The following NCALD variants were observed in gnomAD, a reference collection of about 807,000 sequenced individuals.
NCALD encodes neurocalcin-delta.
Under a neutral mutation model 18.6 loss-of-function variants are expected in NCALD, and 10 were observed. That is an observed-to-expected ratio of 0.54 (90% CI 0.33 to 0.91). The LOEUF is 0.91. Among genes scored for constraint, NCALD ranks in the 40% least tolerant of loss-of-function variants. The pLI, the probability that NCALD is intolerant of heterozygous loss-of-function variation, is 0.03. For missense variants in NCALD, 184 were observed against 247.6 expected (o/e 0.74, Z 1.72); for synonymous variants, 88 against 87.4 (o/e 1.01, Z -0.04).
chr8:101,954,479 T>C (rs907240291), intron 2 of NCALD, among the ~76,000 whole-genome samples: 3 of 152,156 alleles, frequency 2.0e-5, no homozygotes, highest in Non-Finnish European at 4.4e-5. Flanking sequence ...CCTGATTCAT[T>C]CTCTCTACCT....
intron 2 of NCALD, among the ~76,000 whole-genome samples, chr8:101,918,135 T>C (rs1450230885): frequency 6.6e-6 from 1 of 152,168 alleles, no homozygotes; most frequent in African/African-American, 2.4e-5. Flanking sequence ...TAATTCACCA[T>C]GATCAAGTAG....
intron 1 of NCALD, among the ~76,000 whole-genome samples, chr8:101,726,058 G>A (rs1475394776): frequency 6.6e-6 from 1 of 152,146 alleles, no homozygotes; most frequent in Non-Finnish European, 1.5e-5. Flanking sequence ...AGCAAGAACA[G>A]TGAATGAGAG....
chr8:101,751,196 T>C (rs139306603), intron 1 of NCALD, among the ~76,000 whole-genome samples: 2 of 152,266 alleles, frequency 1.3e-5, no homozygotes, highest in East Asian at 3.9e-4. Flanking sequence ...ACAACATGGG[T>C]GAACCTCGAA....
At chr8:101,738,780 G>A (rs1810048762) in intron 1 of NCALD, among the ~76,000 whole-genome samples, 1 of 152,124 alleles carries the variant, frequency 6.6e-6, no homozygotes. Context: ...CTGTGCATCA[G>A]TTTCCTCAAC....
At chr8:102,051,328 T>C (rs899771619) in intron 1 of NCALD, among the ~76,000 whole-genome samples, 1 of 152,082 alleles carries the variant, frequency 6.6e-6, no homozygotes, top group Non-Finnish European at 1.5e-5. Context: ...TAGAGTGCCA[T>C]AGGGAGGATC....
intron 2 of NCALD, among the ~76,000 whole-genome samples, chr8:101,964,712 T>C (rs1819958358): frequency 6.6e-6 from 1 of 152,180 alleles, no homozygotes; most frequent in Admixed American, 6.5e-5. Flanking sequence ...TAAACATCTG[T>C]CTAAATGTCT....
intron 4 of NCALD, among the ~76,000 whole-genome samples, chr8:101,796,548 C>T (rs1380473496): frequency 6.6e-6 from 1 of 151,704 alleles, no homozygotes; most frequent in Non-Finnish European, 1.5e-5. Flanking sequence ...GGTAAAAGTA[C>T]AATAGATGGG....
At chr8:101,949,951 A>T (rs1473699971) in intron 2 of NCALD, among the ~76,000 whole-genome samples, 1 of 152,202 alleles carries the variant, frequency 6.6e-6, no homozygotes, top group African/African-American at 2.4e-5. Flanking sequence ...GCACTTCATC[A>T]AAGTTCTTCC....
At chr8:102,001,829 G>A (rs1431611751) in intron 2 of NCALD, among the ~76,000 whole-genome samples, 1 of 152,198 alleles carries the variant, frequency 6.6e-6, no homozygotes, top group Non-Finnish European at 1.5e-5. Flanking sequence ...CAAATGCTGA[G>A]AGATTTTGTC....
intron 2 of NCALD, among the ~76,000 whole-genome samples, chr8:101,695,380 C>T (rs751510063): frequency 3.3e-5 from 5 of 152,286 alleles, no homozygotes; most frequent in African/African-American, 9.6e-5. Flanking sequence ...GTTTGTCTCA[C>T]GTGGTCCTTC....
rs544121562 is a variant in NCALD at position 102,098,526 on chromosome 8, G to A, written c.-210+25711C>T. ...CTCACTGGTTTCCCTTAACCTTGCT[G>A]ACCCCATAGAAATAATTCTTCAATT... is the stretch of plus-strand genomic sequence containing the variant. On this transcript the variant is annotated intron_variant, in intron 1 of 6. Transcript: ENST00000311028. Among the ~76,000 whole-genome samples the A allele has an allele frequency of 1.5e-4, 23 of 152,268 alleles. No individual in the cohort carries two copies. The South Asian group carries it at 3.7e-3, about 25-fold the overall frequency.
At chr8:102,020,377 A>G (rs1822232951) in intron 1 of NCALD, 1 of 152,236 alleles carries the variant, frequency 6.6e-6, no homozygotes. Flanking sequence ...ATGTATTTAT[A>G]GATCTGTTAA....
intron 1 of NCALD, among the ~76,000 whole-genome samples, chr8:102,064,028 G>T (rs1763510541): frequency 6.6e-6 from 1 of 152,106 alleles, no homozygotes; most frequent in African/African-American, 2.4e-5. Context: ...ATTCATTTTT[G>T]GCTTAAGTAG....
intron 4 of NCALD, among the ~76,000 whole-genome samples, chr8:101,875,067 TGA>T (rs1816173829): frequency 1.3e-5 from 2 of 152,236 alleles, no homozygotes; most frequent in African/African-American, 4.8e-5. Context: ...TAGCCAGTAC[TGA>T]GAGTTTGCTA....
chr8:101,910,859 G>A (rs1053209658), intron 3 of NCALD, among the ~76,000 whole-genome samples: 3 of 152,138 alleles, frequency 2.0e-5, no homozygotes, highest in Non-Finnish European at 2.9e-5. Context: ...ACAGGGCAAC[G>A]ACCCTGAGAA....
chr8:102,080,938 A>G (rs1036849362), intron 1 of NCALD, among the ~76,000 whole-genome samples: 3 of 152,246 alleles, frequency 2.0e-5, no homozygotes, highest in Non-Finnish European at 4.4e-5. Flanking sequence ...TAAGGTTTGA[A>G]GGAAACTTTT....
intron 2 of NCALD, among the ~76,000 whole-genome samples, chr8:101,919,955 C>T (rs1345897323): frequency 6.6e-6 from 1 of 151,988 alleles, no homozygotes; most frequent in Admixed American, 6.6e-5. Context: ...TAGTTCAACC[C>T]CCATAGAAAA....
chr8:101,753,779 G>C (rs1390248028), intron 1 of NCALD, among the ~76,000 whole-genome samples: 1 of 152,140 alleles, frequency 6.6e-6, no homozygotes, highest in African/African-American at 2.4e-5. Context: ...ATCACTCTGA[G>C]GTGGGTGAGT....
intron 3 of NCALD, chr8:101,690,570 G>T (rs1814681677): frequency 1.0e-6 from 1 of 985,338 alleles, no homozygotes; most frequent in East Asian, 1.1e-4. Flanking sequence ...GACAGGAGGG[G>T]GCCTCCCCCA....
Sources: allele counts gnomAD v4.1 joint callset (sites outside exome capture counted in the v4.1 genomes callset), GRCh38; gene constraint gnomAD v4.1.1; transcripts MANE v1.5; gene names NCBI Gene and HGNC (gene_info 2026-07-23, HGNC 2026-07-21).